TNFSF4: variants seen among roughly 807,000 people sequenced by gnomAD.
The protein encoded by TNFSF4 is TNF superfamily member 4.
Under a neutral mutation model 7.3 loss-of-function variants are expected in TNFSF4, and 4 were observed. The observed-to-expected ratio is 0.55, with a 90% CI of 0.27 to 1.25. The LOEUF (loss-of-function observed/expected upper bound fraction) is 1.25. Ranked by LOEUF, TNFSF4 falls within the 50% of genes most tolerant of loss-of-function variation. The probability of loss-of-function intolerance (pLI) is 0.12; values close to 1 mark genes in which losing one functional copy is unlikely to be tolerated. For synonymous variants in TNFSF4, 76 were observed against 83.7 expected (o/e 0.91, Z 0.50); for missense variants, 181 against 208.8 (o/e 0.87, Z 0.82).
the TNFSF4 span, among the ~76,000 whole-genome samples, chr1:173,244,620 C>A: frequency 7.5e-6 from 1 of 133,614 alleles, no homozygotes; most frequent in African/African-American, 3.1e-5. Flanking sequence ...CCAGCCTGGG[C>A]GACAGAGCGA....
the TNFSF4 span, among the ~76,000 whole-genome samples, chr1:173,313,862 T>A: frequency 6.6e-6 from 1 of 152,090 alleles, no homozygotes; most frequent in Non-Finnish European, 1.5e-5. Flanking sequence ...ATTTGAATTT[T>A]GTGTTTAGAG....
chr1:173,379,007 T>C, the TNFSF4 span, among the ~76,000 whole-genome samples: 2 of 151,874 alleles, frequency 1.3e-5, no homozygotes, highest in Non-Finnish European at 2.9e-5. Flanking sequence ...CTGGCGAAGC[T>C]TTCAGATGAT....
chr1:173,398,568 G>A, the TNFSF4 span, among the ~76,000 whole-genome samples: 3 of 151,950 alleles, frequency 2.0e-5, no homozygotes, highest in African/African-American at 7.2e-5. Context: ...GGGACTGCAG[G>A]CACCCACCAC....
chr1:173,369,465 T>C, the TNFSF4 span, among the ~76,000 whole-genome samples: 3 of 152,186 alleles, frequency 2.0e-5, 1 homozygote, highest in Non-Finnish European at 2.9e-5. Context: ...GGAGGAAAAC[T>C]AGTGTTTCCG....
chr1:173,308,579 G>A, the TNFSF4 span, among the ~76,000 whole-genome samples: 1 of 151,638 alleles, frequency 6.6e-6, no homozygotes, highest in East Asian at 1.9e-4. Context: ...ACCTATGTTA[G>A]TTAACTGTTG....
chr1:173,447,216 T>C, the TNFSF4 span, among the ~76,000 whole-genome samples: 1 of 152,208 alleles, frequency 6.6e-6, no homozygotes, highest in Non-Finnish European at 1.5e-5. Flanking sequence ...AAGTCAGTGA[T>C]TGCCAGAGTT....
the TNFSF4 span, among the ~76,000 whole-genome samples, chr1:173,413,319 TG>T: frequency 8.5e-5 from 13 of 152,304 alleles, no homozygotes; most frequent in African/African-American, 2.9e-4. Flanking sequence ...GCACTTCCTA[TG>T]TGGGGGTTCT....
At chr1:173,343,354 G>A in the TNFSF4 span, among the ~76,000 whole-genome samples, 1 of 152,186 alleles carries the variant, frequency 6.6e-6, no homozygotes, top group Admixed American at 6.5e-5. Flanking sequence ...TGAAGGAAAT[G>A]AAAGAGTTTG....
At chr1:173,220,725 G>C in the TNFSF4 span, among the ~76,000 whole-genome samples, 1 of 152,074 alleles carries the variant, frequency 6.6e-6, no homozygotes, top group Non-Finnish European at 1.5e-5. Context: ...CTGGACGAAG[G>C]CCCTCACCAG....
chr1:173,325,529 A>G, the TNFSF4 span, among the ~76,000 whole-genome samples: 1 of 152,154 alleles, frequency 6.6e-6, no homozygotes, highest in Non-Finnish European at 1.5e-5. Context: ...GCAGAACTGA[A>G]GGAAATAGAG....
At chr1:173,358,368 T>G in the TNFSF4 span, among the ~76,000 whole-genome samples, 2 of 152,202 alleles carry the variant, frequency 1.3e-5, no homozygotes, top group Admixed American at 1.3e-4. Flanking sequence ...AAAAGTCTGC[T>G]AAGCTACAAT....
At chr1:173,235,122 T>C in the TNFSF4 span, among the ~76,000 whole-genome samples, 1 of 152,186 alleles carries the variant, frequency 6.6e-6, no homozygotes, top group African/African-American at 2.4e-5. Flanking sequence ...TTCAGAGAAG[T>C]CACTGAATTA....
chr1:173,418,344 T>A, the TNFSF4 span: 1 of 152,238 alleles, frequency 6.6e-6, no homozygotes, highest in Non-Finnish European at 1.5e-5. Context: ...CCCTATAGTA[T>A]GGGTGTGCAT....
At chr1:173,444,859 C>T in the TNFSF4 span, among the ~76,000 whole-genome samples, 1 of 152,176 alleles carries the variant, frequency 6.6e-6, no homozygotes, top group Non-Finnish European at 1.5e-5. Context: ...CACACTGTCA[C>T]CTGCATTCTA....
rs769399217 is a variant in TNFSF4 at position 173,186,807 on chromosome 1, C to G, written c.261G>C (p.Lys87Asn). 6.2e-7 allele frequency: 1 copy of G among 1,612,840 alleles called. No homozygotes were observed. Among genetic ancestry groups the G allele is most frequent in the South Asian group, 1.1e-5 (1 of 90,746 alleles). ...TGATGATGACTGAGTTGTTCTGCAC[C>G]TTCATGATTTCATCCTCCTTTTGGG... ...LTSQKEDEIM[K>N]VQNNSVIINC... is the part of the protein sequence containing the mutation. The change falls in exon 3 of 3, where the codon AAG becomes AAC. Residue 87 changes from lysine (K) to asparagine (N), a missense_variant. Coordinates refer to ENST00000281834, the MANE Select transcript of TNFSF4 (RefSeq NM_003326.5).
chr1:173,320,169 T>C, the TNFSF4 span, among the ~76,000 whole-genome samples: 1 of 152,216 alleles, frequency 6.6e-6, no homozygotes, highest in African/African-American at 2.4e-5. Flanking sequence ...GATGCAAGGC[T>C]GGTTCAACAC....
intron 1 of TNFSF4, among the ~76,000 whole-genome samples, chr1:173,193,364 G>A (rs763259671): frequency 1.3e-5 from 2 of 152,164 alleles, no homozygotes; most frequent in East Asian, 1.9e-4. Context: ...AAATGCAAAT[G>A]CTCCTAAGTA....
the TNFSF4 span, among the ~76,000 whole-genome samples, chr1:173,364,377 A>G: frequency 7.4e-6 from 1 of 135,914 alleles, no homozygotes; most frequent in Admixed American, 7.3e-5. Context: ...ATTGGGGTGT[A>G]TGTGTATATA....
chr1:173,449,410 G>A, the TNFSF4 span, among the ~76,000 whole-genome samples: 2 of 151,016 alleles, frequency 1.3e-5, no homozygotes, highest in Non-Finnish European at 2.9e-5. Flanking sequence ...CTGGAGTGCA[G>A]TGGCACAATC....
Sources: allele counts gnomAD v4.1 joint callset (sites outside exome capture counted in the v4.1 genomes callset), GRCh38; gene constraint gnomAD v4.1.1; transcripts MANE v1.5; gene names NCBI Gene and HGNC (gene_info 2026-07-23, HGNC 2026-07-21).